BBX: variants seen among roughly 807,000 people sequenced by gnomAD.
BBX encodes HMG box transcription factor BBX.
BBX carries 30 observed loss-of-function variants against 100.2 expected under a neutral mutation model. That is an observed-to-expected ratio of 0.30 (90% CI 0.22 to 0.41). The LOEUF is 0.41. BBX is among the 10% of genes least tolerant of loss of function. The pLI, the probability that BBX is intolerant of heterozygous loss-of-function variation, is 1.00. For synonymous variants in BBX, 376 were observed against 388.1 expected (o/e 0.97, Z 0.37); for missense variants, 1,023 against 1,129.8 (o/e 0.91, Z 1.35).
intron 13 of BBX, among the ~76,000 whole-genome samples, chr3:107,779,685 A>G (rs1486189019): frequency 1.3e-5 from 2 of 152,178 alleles, no homozygotes; most frequent in Non-Finnish European, 2.9e-5. Context: ...ACAAAGAGAT[A>G]TAATTTCATG....
intron 3 of BBX, among the ~76,000 whole-genome samples, chr3:107,667,145 G>A (rs1189471937): frequency 1.3e-5 from 2 of 152,190 alleles, no homozygotes; most frequent in Admixed American, 6.5e-5. Flanking sequence ...TTCAAGGAGA[G>A]AAACATTCTT....
At chr3:107,587,600 A>G (rs2052954219) in intron 2 of BBX, among the ~76,000 whole-genome samples, 1 of 152,186 alleles carries the variant, frequency 6.6e-6, no homozygotes, top group Non-Finnish European at 1.5e-5. Context: ...GGAGCCAGGC[A>G]GGAAGCATGA....
chr3:107,803,493 G>A (rs894001663), intron 17 of BBX, among the ~76,000 whole-genome samples: 3 of 152,074 alleles, frequency 2.0e-5, no homozygotes, highest in Non-Finnish European at 2.9e-5. Flanking sequence ...GGAAATATAC[G>A]ACCTGCACTC....
At chr3:107,649,672 C>A (rs1326656339) in intron 3 of BBX, among the ~76,000 whole-genome samples, 3 of 152,190 alleles carry the variant, frequency 2.0e-5, no homozygotes, top group Non-Finnish European at 4.4e-5. Flanking sequence ...CATATGTCCA[C>A]ACACCTGCCA....
At chr3:107,671,484 T>G (rs776921567) in intron 3 of BBX, among the ~76,000 whole-genome samples, 1 of 152,058 alleles carries the variant, frequency 6.6e-6, no homozygotes, top group African/African-American at 2.4e-5. Context: ...AAGATTGACC[T>G]AACAAGGGCT....
Position 107,724,643 on chromosome 3 carries a change from A to C in BBX, c.406-4122A>C, listed in dbSNP as rs1040508951. 2.2e-3 allele frequency among the ~76,000 whole-genome samples: 341 copies of C among 152,276 alleles called. 3 individuals are homozygous for C. The highest frequency in any genetic ancestry group is 0.018 in the Admixed American group (272 of 15,288). On this transcript the variant is annotated intron_variant, in intron 5 of 17. Coordinates refer to ENST00000325805, the MANE Select transcript of BBX (RefSeq NM_001142568.3). ...CTACATATGGCTAGCCAGTTTTCCC[A>C]GCACCATTTGTTAAATAGGGAATCC...
In BBX at chr3:107,695,323, G is replaced by A. The variant is rs563186804; in HGVS notation, c.-9-15129G>A. Among the ~76,000 whole-genome samples, 77 of 120,380 alleles carry A rather than the reference G, an allele frequency of 6.4e-4. No individual in the cohort carries two copies. In the South Asian group the frequency reaches 0.011, roughly 17 times the overall value. The allele number at this position is 120,380 out of a possible 152,430, so 79.0% of individuals were successfully genotyped here. On this transcript the variant is annotated intron_variant, in intron 3 of 17. Transcript: ENST00000325805. ...TTTTGGATCTTTCCTGCTTTCTCTT[G>A]TGGGCATTTAGTGCTATAAATTTCC...
chr3:107,800,961 A>C, intron 16 of BBX, 134 bp from the exon 17 acceptor site: 5 of 845,948 alleles, frequency 5.9e-6, no homozygotes, highest in Non-Finnish European at 9.2e-6. Context: ...AAAAGCCTTA[A>C]TATTCGATGG....
At chr3:107,780,374 G>C (rs545895284) in intron 13 of BBX, among the ~76,000 whole-genome samples, 1 of 152,140 alleles carries the variant, frequency 6.6e-6, no homozygotes, top group South Asian at 2.1e-4. Context: ...TTTTTGTAAA[G>C]CTATAAAACC....
At position 107,773,444 on chromosome 3, in the gene BBX, G is replaced by C; in HGVS notation, c.1723G>C (p.Glu575Gln). 6.2e-7 allele frequency: 1 copy of C among 1,614,080 alleles called. No homozygotes were observed. Among genetic ancestry groups the C allele is most frequent in the Non-Finnish European group, 8.5e-7 (1 of 1,179,990 alleles). Residue 575 changes from glutamate to glutamine, a missense_variant, in exon 11 of 18, where the codon GAA becomes CAA. This residue lies in a region of BBX where 348 missense variants were observed against 353.2 expected (regional missense o/e 0.99). Coordinates refer to ENST00000325805, the MANE Select transcript of BBX (RefSeq NM_001142568.3). The surrounding 1 kb of genome is among the most constrained non-coding windows in gnomAD (Gnocchi z 4.1). ...SGETPEGIKA[E>Q]PLTPMEDALP... ...TGAGACACCAGAGGGTATAAAAGCA[G>C]AACCATTGACCCCTATGGAAGATGC...
At chr3:107,649,106 G>A (rs991638696) in intron 3 of BBX, among the ~76,000 whole-genome samples, 3 of 152,188 alleles carry the variant, frequency 2.0e-5, no homozygotes, top group Non-Finnish European at 4.4e-5. Flanking sequence ...GAGAGCACGT[G>A]CACGGGGACT....
intron 2 of BBX, among the ~76,000 whole-genome samples, chr3:107,575,896 C>T (rs1376386975): frequency 2.0e-5 from 3 of 152,168 alleles, no homozygotes; most frequent in South Asian, 2.1e-4. Context: ...TGAGGCCAGG[C>T]GTGGTGGCTC....
chr3:107,748,130 T>C (rs2064776535), intron 9 of BBX, 91 bp downstream of exon 9: 1 of 1,050,024 alleles, frequency 9.5e-7, no homozygotes, highest in Non-Finnish European at 1.4e-6. Context: ...TAGTGAACTT[T>C]AGGCATGCCT....
At chr3:107,576,953 T>C (rs1029763100) in intron 2 of BBX, among the ~76,000 whole-genome samples, 14 of 152,118 alleles carry the variant, frequency 9.2e-5, no homozygotes, top group African/African-American at 3.4e-4. Context: ...CTCTGCCTCC[T>C]GGGTTCGAGC....
At chr3:107,641,556 C>T (rs2057215507) in intron 2 of BBX, among the ~76,000 whole-genome samples, 1 of 152,132 alleles carries the variant, frequency 6.6e-6, no homozygotes, top group Admixed American at 6.6e-5. Context: ...AGAATCCAAA[C>T]AAATGGACAA....
At chr3:107,615,632 G>C (rs1446080775) in intron 2 of BBX, among the ~76,000 whole-genome samples, 1 of 152,046 alleles carries the variant, frequency 6.6e-6, no homozygotes, top group Non-Finnish European at 1.5e-5. Flanking sequence ...AATTTTGAAG[G>C]AACACATTCA....
At chr3:107,591,471 G>T (rs1045999230) in intron 2 of BBX, among the ~76,000 whole-genome samples, 1 of 152,100 alleles carries the variant, frequency 6.6e-6, no homozygotes, top group East Asian at 1.9e-4. Context: ...GAAAGGAAAG[G>T]GGGAGATATT....
intron 2 of BBX, among the ~76,000 whole-genome samples, chr3:107,629,478 A>G (rs946272371): frequency 1.3e-5 from 2 of 152,180 alleles, no homozygotes; most frequent in African/African-American, 4.8e-5. Context: ...GCTACTGTGA[A>G]ATAACTGGGC....
At position 107,789,772 on chromosome 3, in the gene BBX, T is replaced by C; in HGVS notation, c.2204-15T>C. 7.0e-7 allele frequency: 1 copy of C among 1,425,356 alleles called. No individual in the cohort carries two copies. The highest frequency in any genetic ancestry group is 9.5e-7 in the Non-Finnish European group (1 of 1,050,918). The allele number at this position is 1,425,356 out of a possible 1,614,324, so 88.3% of individuals were successfully genotyped here. A position where few individuals can be genotyped will look rare whatever the true frequency, so the allele number is the denominator to read the frequency against. ...TTGTGAATTTAAAATATATTTATAT[T>C]AATATTGTCTGTAGGTCCTTTCCAG... On this transcript the variant is annotated splice_polypyrimidine_tract_variant and intron_variant, in intron 13 of 17. Transcript: ENST00000325805.
Sources: allele counts gnomAD v4.1 joint callset (sites outside exome capture counted in the v4.1 genomes callset), GRCh38; gene constraint gnomAD v4.1.1; regional missense constraint gnomAD v4.1.1; non-coding constraint Gnocchi (gnomAD v3.1); transcripts MANE v1.5; gene names NCBI Gene and HGNC (gene_info 2026-07-23, HGNC 2026-07-21).